The following KLF8 variants were observed in gnomAD, a reference collection of about 807,000 sequenced individuals.
The protein encoded by KLF8 is KLF transcription factor 8, also known as Krueppel-like factor 8.
In KLF8, 10 loss-of-function variants were observed where a neutral mutation model predicts 18.2. The ratio of observed to expected loss-of-function variants is 0.55; its 90% CI spans 0.34 to 0.93. KLF8 has a LOEUF of 0.93. Ranked by LOEUF, KLF8 falls within the 40% of genes least tolerant of loss-of-function variation. The pLI, the probability that KLF8 is intolerant of heterozygous loss-of-function variation, is 0.02. For missense variants in KLF8, 264 were observed against 277.9 expected (o/e 0.95, Z 0.36); for synonymous variants, 109 against 97.3 (o/e 1.12, Z -0.71).
At chrX:56,154,525 A>G in the KLF8 span, among the ~76,000 whole-genome samples, 1 of 112,150 alleles carries the variant, frequency 8.9e-6, no homozygotes, top group African/African-American at 3.2e-5. Context: ...AGGCATTACC[A>G]TTCAGGACAT....
the KLF8 span, among the ~76,000 whole-genome samples, chrX:56,147,310 G>A: frequency 9.0e-6 from 1 of 111,599 alleles, no homozygotes; most frequent in African/African-American, 3.3e-5. Context: ...TCAACTGTAA[G>A]GAGAATTTCT....
At chrX:56,080,760 A>C in the KLF8 span, among the ~76,000 whole-genome samples, 1 of 111,367 alleles carries the variant, frequency 9.0e-6, no homozygotes, top group Non-Finnish European at 1.9e-5. Flanking sequence ...ACTTGGTTCC[A>C]TTCTCCCCAT....
the KLF8 span, among the ~76,000 whole-genome samples, chrX:56,173,785 T>C: frequency 9.0e-6 from 1 of 111,630 alleles, no homozygotes; most frequent in Non-Finnish European, 1.9e-5. Context: ...TGAGCAGTGG[T>C]TTGTAGTTCT....
the KLF8 span, among the ~76,000 whole-genome samples, chrX:55,921,071 T>C: frequency 8.9e-6 from 1 of 112,174 alleles, no homozygotes; most frequent in African/African-American, 3.2e-5. Context: ...AAAAAGTAAC[T>C]ATAATCAGAA....
the KLF8 span, among the ~76,000 whole-genome samples, chrX:56,049,058 C>T: frequency 1.8e-5 from 2 of 111,516 alleles, no homozygotes; most frequent in Non-Finnish European, 1.9e-5. Flanking sequence ...CATGATTTGG[C>T]TCTCTGTTTG....
chrX:56,129,585 C>T, the KLF8 span, among the ~76,000 whole-genome samples: 3 of 111,331 alleles, frequency 2.7e-5, no homozygotes, highest in African/African-American at 6.5e-5. Context: ...GGGAGGGCTG[C>T]CAGAGGAACT....
At chrX:56,215,103 C>T in the KLF8 span, among the ~76,000 whole-genome samples, 2 of 111,799 alleles carry the variant, frequency 1.8e-5, no homozygotes, top group Non-Finnish European at 3.8e-5. Context: ...TCTCCTAGAG[C>T]TTACCAAATA....
chrX:56,074,352 G>A, the KLF8 span, among the ~76,000 whole-genome samples: 1 of 109,850 alleles, frequency 9.1e-6, no homozygotes, highest in Non-Finnish European at 1.9e-5. Flanking sequence ...GTGTCATATC[G>A]AAAAATACAT....
chrX:56,054,212 T>C, the KLF8 span, among the ~76,000 whole-genome samples: 1 of 111,009 alleles, frequency 9.0e-6, no homozygotes, highest in Non-Finnish European at 1.9e-5. Flanking sequence ...AACTTTTTGA[T>C]ATGGGCAATT....
At chrX:56,188,650 C>T in the KLF8 span, among the ~76,000 whole-genome samples, 1,670 of 111,690 alleles carry the variant, frequency 0.015, 36 homozygotes, top group African/African-American at 0.051. Context: ...CAAAACAGCA[C>T]GGTACTGGTA....
chrX:56,083,325 A>G, the KLF8 span, among the ~76,000 whole-genome samples: 41 of 112,394 alleles, frequency 3.6e-4, no homozygotes, highest in Non-Finnish European at 6.8e-4. Context: ...ATTAACATGT[A>G]TCTCATAAAA....
At chrX:56,193,993 G>GA in the KLF8 span, among the ~76,000 whole-genome samples, 1 of 111,690 alleles carries the variant, frequency 9.0e-6, no homozygotes, top group Non-Finnish European at 1.9e-5. Flanking sequence ...CAACACAAAG[G>GA]AAAAAATGCT....
chrX:56,034,263 A>G, the KLF8 span, among the ~76,000 whole-genome samples: 33 of 112,421 alleles, frequency 2.9e-4, no homozygotes, highest in Non-Finnish European at 5.1e-4. Flanking sequence ...ATCATTTATT[A>G]AAAAGACTGT....
chrX:56,141,038 A>G, the KLF8 span, among the ~76,000 whole-genome samples: 1 of 111,913 alleles, frequency 8.9e-6, no homozygotes, highest in Non-Finnish European at 1.9e-5. Flanking sequence ...GGATTGCAGT[A>G]GCACAATCTC....
At chrX:56,128,361 C>T in the KLF8 span, among the ~76,000 whole-genome samples, 1 of 111,529 alleles carries the variant, frequency 9.0e-6, no homozygotes, top group Non-Finnish European at 1.9e-5. Context: ...AGGTAAGGAA[C>T]AGAACAATAA....
chrX:56,013,908 G>T, the KLF8 span, among the ~76,000 whole-genome samples: 1 of 111,435 alleles, frequency 9.0e-6, no homozygotes, highest in African/African-American at 3.3e-5. Flanking sequence ...TTAATAAATG[G>T]TGCTGGAAGA....
In KLF8 at chrX:56,274,721, G is replaced by A. The variant is rs1166597713; in HGVS notation, c.898+4400G>A. On this transcript the variant is annotated intron_variant, in intron 5 of 5. Transcript: ENST00000468660. ...AGGGTTCTAGTTTATTCTTTTACCT[G>A]TGATATCCAGTTTTCCCAGCACCCT... Among the ~76,000 whole-genome samples, 4 of 111,452 alleles carry A rather than the reference G, an allele frequency of 3.6e-5. No individual in the cohort carries two copies. The East Asian group carries it at 8.4e-4, about 23-fold the overall frequency.
the KLF8 span, among the ~76,000 whole-genome samples, chrX:55,914,555 A>G: frequency 3.0e-3 from 342 of 112,173 alleles, 3 homozygotes; most frequent in African/African-American, 0.011. Context: ...CAAGTGAGAA[A>G]GTTATTAATA....
chrX:56,030,092 G>A, the KLF8 span, among the ~76,000 whole-genome samples: 2 of 112,186 alleles, frequency 1.8e-5, no homozygotes, highest in East Asian at 5.6e-4. Flanking sequence ...CATATGATAG[G>A]CCTCACACAG....
Sources: gnomAD v4.1 joint callset for allele counts (sites outside exome capture counted in the v4.1 genomes callset) on GRCh38, gnomAD v4.1.1 for gene constraint, MANE v1.5 for transcripts, NCBI Gene and HGNC (gene_info 2026-07-23, HGNC 2026-07-21) for gene names.